DSE: variants seen among roughly 807,000 people sequenced by gnomAD.
DSE encodes dermatan sulfate epimerase.
DSE carries 36 observed loss-of-function variants against 84.4 expected under a neutral mutation model. The ratio of observed to expected loss-of-function variants is 0.43; its 90% CI spans 0.33 to 0.56. The LOEUF (loss-of-function observed/expected upper bound fraction) is 0.56, where lower values mean the gene tolerates loss of function less well. Ranked by LOEUF, DSE falls within the 20% of genes least tolerant of loss-of-function variation. The probability of loss-of-function intolerance (pLI) is 0.06; values close to 1 mark genes in which losing one functional copy is unlikely to be tolerated. For synonymous variants in DSE, 410 were observed against 430.1 expected, an observed-to-expected ratio of 0.95 and a Z score of 0.58; for missense variants, 862 against 1,169.6, an observed-to-expected ratio of 0.74 and a Z score of 3.84.
chr6:116,376,158 A>G (rs776545562), intron 1 of DSE, among the ~76,000 whole-genome samples: 19 of 152,144 alleles, frequency 1.2e-4, no homozygotes, highest in African/African-American at 3.9e-4. Context: ...GTAACTGGCT[A>G]TTTACAGACC....
intron 2 of DSE, among the ~76,000 whole-genome samples, chr6:116,347,903 A>G (rs1410226864): frequency 6.6e-6 from 1 of 152,136 alleles, no homozygotes; most frequent in Non-Finnish European, 1.5e-5. Flanking sequence ...CATGTGACAA[A>G]GGGCTAATAT....
At chr6:116,303,560 C>A (rs1775163994) in intron 2 of DSE, among the ~76,000 whole-genome samples, 2 of 152,134 alleles carry the variant, frequency 1.3e-5, no homozygotes, top group African/African-American at 2.4e-5. Context: ...AAATGACCAA[C>A]TGGATGGCTG....
chr6:116,319,531 G>A (rs1180231947), intron 2 of DSE, among the ~76,000 whole-genome samples: 2 of 152,314 alleles, frequency 1.3e-5, no homozygotes, highest in East Asian at 3.9e-4. Flanking sequence ...ATGGAAAGAA[G>A]AGGCAGGGAA....
At chr6:116,331,451 A>G (rs1253193571) in intron 2 of DSE, among the ~76,000 whole-genome samples, 1 of 152,142 alleles carries the variant, frequency 6.6e-6, no homozygotes, top group African/African-American at 2.4e-5. Flanking sequence ...ATGAGAAGTC[A>G]CTCACTATCA....
chr6:116,354,274 A>T (rs913763985), intron 2 of DSE, among the ~76,000 whole-genome samples: 4 of 152,192 alleles, frequency 2.6e-5, no homozygotes, highest in Non-Finnish European at 5.9e-5. Context: ...ATTTATTGAA[A>T]GCCTGTTGTG....
intron 2 of DSE, chr6:116,288,600 A>G (rs1316231178): frequency 1.3e-5 from 2 of 152,134 alleles, no homozygotes; most frequent in Admixed American, 6.6e-5. Flanking sequence ...GCACTGTCCA[A>G]TACTATAGGC....
chr6:116,390,546 T>A lies in DSE; in HGVS notation c.-53-8652T>A, dbSNP rs184346839. 3.9e-5 allele frequency among the ~76,000 whole-genome samples: 6 copies of A among 152,300 alleles called. No homozygotes were observed. The East Asian group carries it at 1.2e-3, about 29-fold the overall frequency. The stretch of plus-strand genomic sequence containing the variant: ...AGTGATTCAGCATAAAAAATACACT[T>A]AATTATGCTCAATATTAACTTCTGA... On this transcript the variant is annotated intron_variant, in intron 1 of 5. Transcript: ENST00000644252.
At chr6:116,388,922 C>T (rs1373838761) in intron 1 of DSE, among the ~76,000 whole-genome samples, 1 of 152,134 alleles carries the variant, frequency 6.6e-6, no homozygotes, top group African/African-American at 2.4e-5. Flanking sequence ...AAGAAGAAAA[C>T]TTTTGGCATC....
At chr6:116,414,602 G>T (rs780621660) in intron 2 of DSE, among the ~76,000 whole-genome samples, 21 of 152,050 alleles carry the variant, frequency 1.4e-4, no homozygotes, top group Non-Finnish European at 2.4e-4. Flanking sequence ...AGTAGAGATG[G>T]GGTTTCTGCA....
At chr6:116,403,600 C>T (rs967882880) in intron 2 of DSE, among the ~76,000 whole-genome samples, 4 of 152,092 alleles carry the variant, frequency 2.6e-5, no homozygotes, top group African/African-American at 9.7e-5. Context: ...GTGACAGTTG[C>T]TAAAAGGCAT....
chr6:116,269,981 T>C (rs1772812979), intron 2 of DSE, among the ~76,000 whole-genome samples: 1 of 142,926 alleles, frequency 7.0e-6, no homozygotes, highest in South Asian at 2.2e-4. Context: ...ATGTAAGATA[T>C]AAAGATGAAG....
At chr6:116,415,508 T>C (rs1381967421) in intron 2 of DSE, among the ~76,000 whole-genome samples, 1 of 152,034 alleles carries the variant, frequency 6.6e-6, no homozygotes, top group Non-Finnish European at 1.5e-5. Context: ...TTGATATATT[T>C]GGATCTCCTT....
At position 116,293,374 on chromosome 6, in the gene DSE, C is replaced by G. The variant is rs139272650; in HGVS notation, c.-54+34407C>G. Among the ~76,000 whole-genome samples, 4 of 151,658 alleles carry G rather than the reference C, an allele frequency of 2.6e-5. No homozygotes were observed. The East Asian group carries it at 7.8e-4, about 30-fold the overall frequency. The stretch of plus-strand genomic sequence containing the variant: ...ACAACCTCTGCCTCCCAGGTTCAAG[C>G]TATTCTCCTGCCTCAGACTCCCAAG... On this transcript the variant is annotated intron_variant, in intron 2 of 3. Transcript: ENST00000430252.
At chr6:116,339,379 A>G (rs1483459391) in intron 2 of DSE, among the ~76,000 whole-genome samples, 3 of 151,680 alleles carry the variant, frequency 2.0e-5, no homozygotes, top group African/African-American at 7.3e-5. Context: ...TTTTTTTCAC[A>G]ATTGGAATTT....
chr6:116,298,880 C>G (rs1211713016), intron 2 of DSE, among the ~76,000 whole-genome samples: 2 of 152,150 alleles, frequency 1.3e-5, no homozygotes, highest in Non-Finnish European at 2.9e-5. Context: ...TAACACAATT[C>G]TTAATAATTA....
In DSE at chr6:116,429,687, G is replaced by T. The variant is rs1336342972; in HGVS notation, c.671-1267G>T. The stretch of plus-strand genomic sequence containing the variant: ...GAGTTGGCCGGGCGCGGTGGCTCAC[G>T]CTTGTAATCCCAGCACTTTGGGAGG... On this transcript the variant is annotated intron_variant, in intron 3 of 5. Transcript: ENST00000644252. Among the ~76,000 whole-genome samples, 19 of 14,128 alleles carry T rather than the reference G, an allele frequency of 1.3e-3. 7 individuals carry two copies. The highest frequency in any genetic ancestry group is 2.3e-3 in the Non-Finnish European group (15 of 6,622). The allele number at this position is 14,128 out of a possible 152,430, so 9.3% of individuals were successfully genotyped here.
chr6:116,396,495 G>A (rs371149985), intron 1 of DSE, among the ~76,000 whole-genome samples: 82 of 152,192 alleles, frequency 5.4e-4, no homozygotes, highest in Non-Finnish European at 1.0e-3. Flanking sequence ...ATTGGCTAAC[G>A]TGGTGTTCTG....
At chr6:116,300,945 A>G (rs1161743892) in intron 2 of DSE, among the ~76,000 whole-genome samples, 1 of 152,218 alleles carries the variant, frequency 6.6e-6, no homozygotes, top group Admixed American at 6.5e-5. Flanking sequence ...CTTCATGGCC[A>G]TCTTAAGAGC....
rs144852407 is a variant in DSE, at chr6:116,426,530, G to T, written c.417-44G>T. ...ACACTTTAGAAGTGTGGTGAAAGCT[G>T]TGAGTCTGATGAACTCATTTCCATG... On this transcript the variant is annotated intron_variant, in intron 2 of 5. Transcript: ENST00000644252. 3 of 1,593,852 alleles carry T rather than the reference G, an allele frequency of 1.9e-6. No individual in the cohort carries two copies. In the Admixed American group the frequency reaches 5.1e-5, roughly 27 times the overall value.
Sources: allele counts gnomAD v4.1 joint callset (sites outside exome capture counted in the v4.1 genomes callset), GRCh38; gene constraint gnomAD v4.1.1; transcripts MANE v1.5; gene names NCBI Gene and HGNC (gene_info 2026-07-23, HGNC 2026-07-21).